Variants in STAB1 observed in about 807,000 individuals in gnomAD.
STAB1 encodes stabilin 1, also known as stabilin-1.
Under a neutral mutation model 332.4 loss-of-function variants are expected in STAB1, and 250 were observed. That is an observed-to-expected ratio of 0.75 (90% CI 0.68 to 0.84). The LOEUF is 0.84. Ranked by LOEUF, STAB1 falls within the 40% of genes least tolerant of loss-of-function variation. The pLI, the probability that STAB1 is intolerant of heterozygous loss-of-function variation, is 0.00. For synonymous variants in STAB1, 1,475 were observed against 1,390.4 expected, an observed-to-expected ratio of 1.06 and a Z score of -1.35; for missense variants, 3,249 against 3,489.7, an observed-to-expected ratio of 0.93 and a Z score of 1.74.
Position 52,518,330 on chromosome 3 carries a change from C to A in STAB1, c.4780C>A (p.His1594Asn), listed in dbSNP as rs1205249465. Residue 1594 changes from histidine to asparagine, a missense_variant, in exon 46 of 69, where the codon CAT becomes AAT. Coordinates refer to ENST00000321725, the MANE Select transcript of STAB1 (RefSeq NM_015136.3). ...RVGLELLRDK[H>N]ASFFSLRLLE... The stretch of plus-strand genomic sequence containing the variant: ...CCCCCAGGAGCTCCTGAGGGATAAG[C>A]ATGCCTCATTCTTCAGCCTCCGCCT... The A allele has an allele frequency of 1.2e-6, 2 of 1,612,760 alleles. No homozygotes were observed. Among genetic ancestry groups the A allele is most frequent in the Admixed American group, 3.3e-5 (2 of 59,980 alleles).
chr3:52,502,383 A>G (rs1708517259), intron 5 of STAB1, among the ~76,000 whole-genome samples, 155 bp downstream of exon 5: 1 of 151,990 alleles, frequency 6.6e-6, no homozygotes, highest in South Asian at 2.1e-4. Flanking sequence ...TTGTTTTATC[A>G]CACCTCCAGC....
At chr3:52,511,053 C>T (rs184173305) in intron 25 of STAB1, among the ~76,000 whole-genome samples, 1 of 152,236 alleles carries the variant, frequency 6.6e-6, no homozygotes, top group Non-Finnish European at 1.5e-5. Flanking sequence ...GGCACCAGCA[C>T]GTGGGGCCTT....
chr3:52,496,966 A>G (rs1022538604), intron 1 of STAB1, among the ~76,000 whole-genome samples: 3 of 152,204 alleles, frequency 2.0e-5, no homozygotes, highest in Non-Finnish European at 4.4e-5. Context: ...GATTGAAAAT[A>G]TTCAGGAAAT....
intron 1 of STAB1, among the ~76,000 whole-genome samples, chr3:52,497,998 G>A (rs1037481129): frequency 2.0e-5 from 3 of 152,164 alleles, no homozygotes; most frequent in African/African-American, 7.2e-5. Flanking sequence ...AGTGGAGCCT[G>A]TGGCGGGAGA....
chr3:52,499,625 C>A (rs1357657522), intron 1 of STAB1, among the ~76,000 whole-genome samples: 1 of 150,766 alleles, frequency 6.6e-6, no homozygotes, highest in Admixed American at 6.6e-5. Flanking sequence ...GCCGGCCGGG[C>A]GCGGTGGCTC....
intron 1 of STAB1, among the ~76,000 whole-genome samples, chr3:52,496,047 TCA>T (rs1424018657): frequency 6.6e-6 from 1 of 152,182 alleles, no homozygotes; most frequent in Non-Finnish European, 1.5e-5. Flanking sequence ...CCTTGAATCC[TCA>T]CAGCCTCGGG....
At chr3:52,504,926 G>C (rs752930493) in intron 12 of STAB1, 50 bp downstream of exon 12, 3 of 1,613,140 alleles carry the variant, frequency 1.9e-6, no homozygotes, top group Non-Finnish European at 2.5e-6. Flanking sequence ...AGCCTGGCAA[G>C]GGTGTGCAGG....
At position 52,515,088 on chromosome 3, in the gene STAB1, C is replaced by G. The variant is rs139329577; in HGVS notation, c.3864+43C>G. 9.2e-5 allele frequency: 148 copies of G among 1,605,298 alleles called. No individual in the cohort carries two copies. In the African/African-American group the frequency reaches 1.8e-3, roughly 20 times the overall value. ...GCAGCTCTGTCCCTGTGTTGCCTGC[C>G]CTCACTTCTTCCAAGGTGCCCAATC... On this transcript the variant is annotated intron_variant, in intron 36 of 68. Transcript: ENST00000321725.
At chr3:52,519,597 C>A (rs372942546) in intron 50 of STAB1, 33 bp downstream of exon 50, 2 of 1,579,970 alleles carry the variant, frequency 1.3e-6, no homozygotes, top group Non-Finnish European at 1.7e-6. Flanking sequence ...TCATTGTGGA[C>A]ACACATGCAC....
rs141187010 is a variant in STAB1 at position 52,501,269 on chromosome 3, G to A, written c.182G>A (p.Arg61Gln). 28 of 1,613,534 alleles carry A rather than the reference G, an allele frequency of 1.7e-5. No homozygotes were observed. Among genetic ancestry groups the A allele is most frequent in the African/African-American group, 8.0e-5 (6 of 75,076 alleles). The change falls in exon 2 of 69, where the codon CGG becomes CAG. Residue 61 changes from arginine (R) to glutamine (Q), a missense_variant. Arg to Gln is a conservative substitution (Grantham distance 43). Coordinates refer to ENST00000321725, the MANE Select transcript of STAB1 (RefSeq NM_015136.3). ...CAGACGTGTCCCTCAGGCTGGCTGC[G>A]GGAGCTCCCGGATCAGATAACCCAG... ...KKQTCPSGWL[R>Q]ELPDQITQDC... is the part of the protein sequence containing the mutation.
intron 19 of STAB1, 114 bp from the exon 20 acceptor site, chr3:52,507,817 A>G (rs1708987466): frequency 3.5e-6 from 5 of 1,443,784 alleles, no homozygotes; most frequent in Non-Finnish European, 3.9e-6. Context: ...GCCCCACTGG[A>G]CCAGGGTTAG....
In STAB1 at chr3:52,524,177, T is replaced by C. The variant is rs758404627; in HGVS notation, c.7620T>C (p.Pro2540=). 6.2e-7 allele frequency: 1 copy of C among 1,614,066 alleles called. No individual in the cohort carries two copies. The highest frequency in any genetic ancestry group is 1.1e-5 in the South Asian group (1 of 91,092). The change falls in exon 68 of 69, where the codon CCT becomes CCC. Residue 2540 remains proline (P), a synonymous_variant. Transcript: ENST00000321725. ...TNPTLVSVPN[P]VFGSDTFCEP... ...CCACCCTGGTCTCTGTCCCCAACCC[T>C]GTCTTTGGCAGCGACACCTTTTGTG...
At chr3:52,508,131 C>G in intron 20 of STAB1, 105 bp downstream of exon 20, 1 of 1,366,762 alleles carries the variant, frequency 7.3e-7, no homozygotes, top group Non-Finnish European at 1.0e-6. Context: ...AGAGGATGCA[C>G]TGCAGCCTGA....
rs376341357 is a variant in STAB1, at chr3:52,516,257, C to A, written c.4144+19C>A. 7 of 826,834 alleles carry A rather than the reference C, an allele frequency of 8.5e-6. No homozygotes were observed. Among genetic ancestry groups the A allele is most frequent in the African/African-American group, 1.8e-5 (1 of 56,928 alleles). The allele number at this position is 826,834 out of a possible 1,614,324, so 51.2% of individuals were successfully genotyped here. The stretch of plus-strand genomic sequence containing the variant: ...ACCGGAGGTGAGGACTGGGGAGGGG[C>A]GGGGGTGGGCCTCCTGGCAGCAGAG... On this transcript the variant is annotated intron_variant, in intron 38 of 68. Transcript: ENST00000321725.
At chr3:52,508,894 G>C (rs1043445777) in intron 21 of STAB1, among the ~76,000 whole-genome samples, 1 of 152,048 alleles carries the variant, frequency 6.6e-6, no homozygotes, top group Admixed American at 6.5e-5. Context: ...TTCCAAAAAG[G>C]CTACTTGGTG....
chr3:52,501,911 G>A, intron 3 of STAB1, 95 bp from the exon 4 acceptor site: 1 of 1,507,122 alleles, frequency 6.6e-7, no homozygotes, highest in Non-Finnish European at 9.1e-7. Flanking sequence ...TTGCTTCCTT[G>A]GGGGAGGGGC....
chr3:52,504,665 T>A (rs1292420026), intron 11 of STAB1, 74 bp from the exon 12 acceptor site: 1 of 1,612,154 alleles, frequency 6.2e-7, no homozygotes, highest in Non-Finnish European at 8.5e-7. Context: ...TCCTGTCCCC[T>A]CCATTGCTGG....
chr3:52,522,160 C>T lies in STAB1; in HGVS notation c.6395C>T (p.Ala2132Val). The change falls in exon 59 of 69, where the codon GCC (alanine) becomes GTC (valine). Residue 2132 changes from alanine (A) to valine (V), a missense_variant. By Grantham distance (64) the Ala-to-Val change is moderately conservative. Transcript: ENST00000321725. Reference protein sequence around the residue: ...DYEGDGWSCRARNPCTDGHRG... With the variant: ...DYEGDGWSCRVRNPCTDGHRG... ...GAGGGTGATGGCTGGAGCTGCCGGG[C>T]CCGCAACCCCTGCACAGATGGCCAC... 6.2e-7 allele frequency: 1 copy of T among 1,612,932 alleles called. No homozygotes were observed. Among genetic ancestry groups the T allele is most frequent in the Non-Finnish European group, 8.5e-7 (1 of 1,180,020 alleles).
chr3:52,510,914 A>G (rs1156682760), intron 25 of STAB1, among the ~76,000 whole-genome samples: 1 of 152,170 alleles, frequency 6.6e-6, no homozygotes, highest in Non-Finnish European at 1.5e-5. Context: ...CTGGTGAACC[A>G]GTGTTTGGAC....
Sources: gnomAD v4.1 joint callset for allele counts (sites outside exome capture counted in the v4.1 genomes callset) on GRCh38, gnomAD v4.1.1 for gene constraint, MANE v1.5 for transcripts, NCBI Gene and HGNC (gene_info 2026-07-23, HGNC 2026-07-21) for gene names.